The following STAM2 variants were observed in gnomAD, a reference collection of about 807,000 sequenced individuals.
STAM2 encodes signal transducing adapter molecule 2.
STAM2 carries 51 observed loss-of-function variants against 65.6 expected under a neutral mutation model. The ratio of observed to expected loss-of-function variants is 0.78; its 90% CI spans 0.62 to 0.98. The LOEUF (loss-of-function observed/expected upper bound fraction) is 0.98. STAM2 is among the 50% of genes least tolerant of loss of function. STAM2 has a pLI of 0.00. For missense variants in STAM2, 584 were observed against 617.8 expected (o/e 0.95, Z 0.58); for synonymous variants, 198 against 208.4 (o/e 0.95, Z 0.43).
At chr2:152,173,402 A>G (rs1689937828) in intron 1 of STAM2, among the ~76,000 whole-genome samples, 1 of 147,308 alleles carries the variant, frequency 6.8e-6, no homozygotes, top group Admixed American at 6.8e-5. Flanking sequence ...ACATATATAT[A>G]TATATTTTTT....
intron 1 of STAM2, among the ~76,000 whole-genome samples, chr2:152,172,914 G>A (rs1032485516): frequency 1.3e-5 from 2 of 151,554 alleles, no homozygotes; most frequent in African/African-American, 2.4e-5. Context: ...GGAGAGGATA[G>A]TGTCAACACC....
At chr2:152,147,921 A>G (rs913997178) in intron 4 of STAM2, 103 bp downstream of exon 4, 2 of 887,374 alleles carry the variant, frequency 2.3e-6, no homozygotes, top group Non-Finnish European at 3.5e-6. Flanking sequence ...ATGATCTAAA[A>G]ATGACTTCAT....
At chr2:152,143,301 T>C (rs1188599279) in intron 7 of STAM2, among the ~76,000 whole-genome samples, 2 of 152,222 alleles carry the variant, frequency 1.3e-5, no homozygotes, top group African/African-American at 2.4e-5. Flanking sequence ...CTTCTCACTC[T>C]TGCTAAATTT....
Position 152,123,753 on chromosome 2 carries a change from TC to T in STAM2, c.1349+12del. The T allele has an allele frequency of 6.2e-7, 1 of 1,613,300 alleles. No homozygotes were observed. The highest frequency in any genetic ancestry group is 1.7e-4 in the Middle Eastern group (1 of 6,058). On this transcript the variant is annotated intron_variant, in intron 13 of 13. Transcript: ENST00000263904. ...TTAACACATATAAAATTAACACAGCTCCCAAAACTTACCTTAAATATGAAGT... is the reference window on the plus strand; with the variant it reads ...TTAACACATATAAAATTAACACAGCTCCAAAACTTACCTTAAATATGAAGT...
Position 152,126,399 on chromosome 2 carries a change from T to C in STAM2, c.1026-20A>G. 3 of 1,458,204 alleles carry C rather than the reference T, an allele frequency of 2.1e-6. No homozygotes were observed. Among genetic ancestry groups the C allele is most frequent in the Admixed American group, 2.4e-5 (1 of 41,858 alleles). 90.3% of individuals were successfully genotyped at this position (1,458,204 alleles called of 1,614,324 possible). On this transcript the variant is annotated intron_variant, in intron 11 of 13. Coordinates refer to ENST00000263904, the MANE Select transcript of STAM2 (RefSeq NM_005843.6). Reference sequence around the variant, plus strand: ...TGCTTCCTGATGTAGAAGAAAAGTATTATAATACTCTTCTAGTTTTTAGCA... The same window carrying C: ...TGCTTCCTGATGTAGAAGAAAAGTACTATAATACTCTTCTAGTTTTTAGCA...
At chr2:152,122,618 TA>T (rs1312768257) in intron 13 of STAM2, among the ~76,000 whole-genome samples, 1 of 152,102 alleles carries the variant, frequency 6.6e-6, no homozygotes, top group Non-Finnish European at 1.5e-5. Context: ...ATATAATATC[TA>T]AAATTCATAC....
chr2:152,175,486 T>G, intron 1 of STAM2, 117 bp downstream of exon 1: 1 of 1,348,038 alleles, frequency 7.4e-7, no homozygotes, highest in South Asian at 1.2e-5. Flanking sequence ...GCACCGCCCC[T>G]CCCCTCCCTT....
intron 1 of STAM2, among the ~76,000 whole-genome samples, chr2:152,151,715 T>A (rs560991883): frequency 1.3e-5 from 2 of 152,296 alleles, no homozygotes; most frequent in East Asian, 1.9e-4. Flanking sequence ...CTACTTTCTG[T>A]CTCCAAAGAT....
intron 1 of STAM2, among the ~76,000 whole-genome samples, chr2:152,164,625 A>C (rs1689743043): frequency 6.6e-6 from 1 of 152,186 alleles, no homozygotes; most frequent in Non-Finnish European, 1.5e-5. Flanking sequence ...TAAAAGCGTG[A>C]GCCACTGCGC....
intron 11 of STAM2, among the ~76,000 whole-genome samples, chr2:152,131,378 G>A (rs892805344): frequency 3.3e-5 from 5 of 150,924 alleles, no homozygotes; most frequent in African/African-American, 1.2e-4. Flanking sequence ...GCTTGAACCG[G>A]GGAGGCAGAG....
At chr2:152,133,548 A>G (rs1024176614) in intron 8 of STAM2, 64 bp from the exon 9 acceptor site, 1 of 1,264,146 alleles carries the variant, frequency 7.9e-7, no homozygotes, top group Non-Finnish European at 1.1e-6. Context: ...TCATTAATTT[A>G]TAAGTGGCCT....
intron 1 of STAM2, among the ~76,000 whole-genome samples, chr2:152,162,182 T>G (rs565646586): frequency 3.9e-5 from 6 of 152,330 alleles, no homozygotes; most frequent in South Asian, 4.1e-4. Context: ...GAATGACAGA[T>G]AGCAATTTAA....
At chr2:152,157,817 C>T (rs1689580720) in intron 1 of STAM2, among the ~76,000 whole-genome samples, 1 of 152,174 alleles carries the variant, frequency 6.6e-6, no homozygotes, top group Non-Finnish European at 1.5e-5. Flanking sequence ...AAATAGGCCT[C>T]CCTCACAAAG....
rs756540541 is a variant in STAM2, at chr2:152,135,940, A to C, written c.705-337T>G. Among the ~76,000 whole-genome samples, 3 of 151,972 alleles carry C rather than the reference A, an allele frequency of 2.0e-5. No individual in the cohort carries two copies. The Middle Eastern group carries it at 0.01, about 517-fold the overall frequency. ...CCTCATCTCTATTAAAAATACAAAA[A>C]TTAGCCAGGCATGGTGGCACACACC... is the stretch of plus-strand genomic sequence containing the variant. On this transcript the variant is annotated intron_variant, in intron 7 of 13. Transcript: ENST00000263904.
rs1553846706 is a variant in STAM2 at position 152,148,312 on chromosome 2, A to AG, written c.126-13_126-12insC. The stretch of plus-strand genomic sequence containing the variant: ...GGCAATCTTTCGCTCTAAAAAAAAA[A>AG]AGAGAGAGAGAGACAGTTAAGTATT... On this transcript the variant is annotated splice_polypyrimidine_tract_variant and intron_variant, in intron 2 of 13. Coordinates refer to ENST00000263904, the MANE Select transcript of STAM2 (RefSeq NM_005843.6). The AG allele has an allele frequency of 4.0e-5, 63 of 1,560,830 alleles. No individual in the cohort carries two copies. The highest frequency in any genetic ancestry group is 9.0e-5 in the Admixed American group (5 of 55,268).
At chr2:152,161,932 C>T (rs1689686355) in intron 1 of STAM2, among the ~76,000 whole-genome samples, 1 of 151,866 alleles carries the variant, frequency 6.6e-6, no homozygotes, top group Non-Finnish European at 1.5e-5. Context: ...AAACGATTTT[C>T]CTGCCTCAGC....
intron 1 of STAM2, among the ~76,000 whole-genome samples, chr2:152,158,844 T>C (rs1172557447): frequency 6.6e-6 from 1 of 151,914 alleles, no homozygotes; most frequent in East Asian, 1.9e-4. Context: ...GCCCTTTTTA[T>C]TGCAGCATTA....
At chr2:152,126,407 C>CT in intron 11 of STAM2, 28 bp from the exon 12 acceptor site, 1 of 1,380,456 alleles carries the variant, frequency 7.2e-7, no homozygotes, top group Non-Finnish European at 9.5e-7. Context: ...TATTATAATA[C>CT]TCTTCTAGTT....
intron 11 of STAM2, among the ~76,000 whole-genome samples, chr2:152,129,796 A>G (rs1280413724): frequency 3.9e-5 from 6 of 152,266 alleles, no homozygotes; most frequent in Non-Finnish European, 8.8e-5. Flanking sequence ...TGCTGCATTG[A>G]AACAAAGTAG....
Sources: allele counts gnomAD v4.1 joint callset (sites outside exome capture counted in the v4.1 genomes callset), GRCh38; gene constraint gnomAD v4.1.1; transcripts MANE v1.5; gene names NCBI Gene and HGNC (gene_info 2026-07-23, HGNC 2026-07-21).